Variants in CYP11A1 observed in about 807,000 individuals in gnomAD.
CYP11A1 encodes the protein cholesterol side-chain cleavage enzyme, mitochondrial.
In CYP11A1, 25 loss-of-function variants were observed where a neutral mutation model predicts 51.9. The ratio of observed to expected loss-of-function variants is 0.48; its 90% confidence interval spans 0.35 to 0.67. The LOEUF (loss-of-function observed/expected upper bound fraction) is 0.67. Among genes scored for constraint, CYP11A1 ranks in the 30% least tolerant of loss-of-function variants. The pLI is 0.00. For missense variants in CYP11A1, 578 were observed against 680.9 expected (o/e 0.85, Z 1.68); for synonymous variants, 245 against 262.1 (o/e 0.93, Z 0.63).
intron 1 of CYP11A1, chr15:74,363,925 C>A (rs570820254): frequency 8.5e-5 from 13 of 152,292 alleles, no homozygotes; most frequent in African/African-American, 1.4e-4. Context: ...TAGGCCCCAA[C>A]AAACCAAACA....
Position 74,343,757 on chromosome 15 carries a change from G to A in CYP11A1, c.829+32C>T, listed in dbSNP as rs183718296. 386 of 1,589,996 alleles carry A rather than the reference G, an allele frequency of 2.4e-4. 3 individuals are homozygous for A. The highest frequency in any genetic ancestry group is 2.1e-3 in the South Asian group (189 of 90,488). ...GGAGCCGGCTGAGGCCTGGGGCTCC[G>A]AGGAGGAGAGCACAGCCAGAGAAGC... On this transcript the variant is annotated intron_variant, in intron 4 of 8. Coordinates refer to ENST00000268053, the MANE Select transcript of CYP11A1 (RefSeq NM_000781.3).
intron 1 of CYP11A1, chr15:74,366,269 CT>C: frequency 1.1e-6 from 1 of 940,846 alleles, no homozygotes; most frequent in Non-Finnish European, 1.3e-6. Context: ...TCAAATCTCC[CT>C]CCCCCGATTT....
intron 1 of CYP11A1, among the ~76,000 whole-genome samples, chr15:74,349,579 C>T (rs1338008557): frequency 6.6e-6 from 1 of 152,130 alleles, no homozygotes; most frequent in African/African-American, 2.4e-5. Context: ...CAGCCAAGCC[C>T]TTGAACTGCT....
At chr15:74,344,125 T>A in intron 3 of CYP11A1, 133 bp from the exon 4 acceptor site, 1 of 729,518 alleles carries the variant, frequency 1.4e-6, no homozygotes, top group South Asian at 1.7e-5. Context: ...CCTCCTTCAG[T>A]AAATAAATTG....
At chr15:74,367,134 G>T in intron 1 of CYP11A1, 183 bp downstream of exon 1, 1 of 650,142 alleles carries the variant, frequency 1.5e-6, no homozygotes, top group South Asian at 1.9e-5. Context: ...AGATTCAAAT[G>T]TTGAATTTTG....
rs2060620632 is a variant in CYP11A1 at position 74,343,931 on chromosome 15, C to T, written c.687G>A (p.Glu229=). The change falls in exon 4 of 9, where the codon GAG becomes GAA. Residue 229 remains glutamate (E), a synonymous_variant. Coordinates refer to ENST00000268053, the MANE Select transcript of CYP11A1 (RefSeq NM_000781.3). ...QGMLEEVVNP[E]AQRFIDAIYQ... ...AGATGGCATCAATGAATCGCTGGGC[C>T]TCGGGGTTCACTACTTCCTCCAGCA... 5.6e-6 allele frequency: 9 copies of T among 1,614,012 alleles called. No individual in the cohort carries two copies. The South Asian group carries it at 7.7e-5, about 14-fold the overall frequency.
intron 1 of CYP11A1, chr15:74,365,970 C>G (rs2060730809): frequency 1.2e-6 from 1 of 831,490 alleles, no homozygotes; most frequent in African/African-American, 6.3e-5. Context: ...TGACTGGGAC[C>G]TAGGACCTGC....
chr15:74,338,252 T>A (rs2060588595), intron 8 of CYP11A1, 149 bp from the exon 9 acceptor site: 1 of 879,296 alleles, frequency 1.1e-6, no homozygotes, highest in East Asian at 2.6e-5. Flanking sequence ...CCCTGCACAG[T>A]GCCTGATAAT....
chr15:74,365,570 CGA>C (rs2060728396), intron 1 of CYP11A1: 1 of 627,524 alleles, frequency 1.6e-6, no homozygotes, highest in Admixed American at 6.3e-5. Context: ...CACCTCTCTC[CGA>C]GAGTTTCAAA....
intron 1 of CYP11A1, among the ~76,000 whole-genome samples, chr15:74,357,327 C>T (rs1310670664): frequency 6.6e-6 from 1 of 152,090 alleles, no homozygotes; most frequent in Non-Finnish European, 1.5e-5. Context: ...CTTCAGTGAA[C>T]CCCAATTTCT....
At chr15:74,358,028 C>G (rs2060689080) in intron 1 of CYP11A1, among the ~76,000 whole-genome samples, 1 of 152,228 alleles carries the variant, frequency 6.6e-6, no homozygotes, top group African/African-American at 2.4e-5. Context: ...CTTCCATATC[C>G]TGCACCACCA....
intron 1 of CYP11A1, chr15:74,365,974 G>GA (rs79534403): frequency 1 from 986,371 of 986,376 alleles, 493,183 homozygotes; most frequent in Middle Eastern, 1. Context: ...TGGGACCTAG[G>GA]ACCTGCGGTG....
chr15:74,345,316 C>G lies in CYP11A1; in HGVS notation c.426-73G>C, dbSNP rs753215635. 35 of 1,539,414 alleles carry G rather than the reference C, an allele frequency of 2.3e-5. No individual in the cohort carries two copies. The highest frequency in any genetic ancestry group is 3.0e-5 in the Non-Finnish European group (34 of 1,119,082). On this transcript the variant is annotated intron_variant, in intron 2 of 8. Coordinates refer to ENST00000268053, the MANE Select transcript of CYP11A1 (RefSeq NM_000781.3). The surrounding 1 kb of genome is among the most constrained non-coding windows in gnomAD (Gnocchi z 4.3). ...CTGGTGAACACAGAGGGGGCTGACT[C>G]AGTTTTCCCAGGAAGCTGAGTCACA...
chr15:74,348,110 C>T (rs2060640598), intron 1 of CYP11A1, 55 bp from the exon 2 acceptor site: 2 of 1,593,552 alleles, frequency 1.3e-6, no homozygotes, highest in Non-Finnish European at 1.7e-6. Flanking sequence ...GCTATGGATA[C>T]AGGCTCAGCA....
In CYP11A1 at chr15:74,345,218, G is replaced by C; in HGVS notation, c.451C>G (p.Arg151Gly). ...LKKSAAWKKD[R>G]VALNQEVMAP... The stretch of plus-strand genomic sequence containing the variant: ...ATCACCTCCTGGTTCAGGGCCACCC[G>C]GTCTTTCTTCCAGGCTGCCGACTTC... Residue 151 changes from arginine to glycine, a missense_variant, in exon 3 of 9, where the codon CGG (arginine) becomes GGG (glycine). Arg to Gly is a moderately radical substitution (Grantham distance 125). Coordinates refer to ENST00000268053, the MANE Select transcript of CYP11A1 (RefSeq NM_000781.3). The surrounding 1 kb of genome is among the most constrained non-coding windows in gnomAD (Gnocchi z 4.3). 10 of 1,614,162 alleles carry C rather than the reference G, an allele frequency of 6.2e-6. No individual in the cohort carries two copies. The highest frequency in any genetic ancestry group is 7.6e-6 in the Non-Finnish European group (9 of 1,180,032).
chr15:74,338,364 C>A, intron 8 of CYP11A1: 1 of 714,114 alleles, frequency 1.4e-6, no homozygotes, highest in Non-Finnish European at 2.4e-6. Context: ...AATGGATGGC[C>A]AGGGGCATCA....
chr15:74,342,110 T>C (rs1184328298), intron 5 of CYP11A1, among the ~76,000 whole-genome samples: 2 of 152,024 alleles, frequency 1.3e-5, no homozygotes, highest in Non-Finnish European at 2.9e-5. Flanking sequence ...TGAGATGGAG[T>C]CTCACACTAC....
chr15:74,344,001 A>C lies in CYP11A1; in HGVS notation c.626-9T>G. 6.2e-7 allele frequency: 1 copy of C among 1,613,660 alleles called. No individual in the cohort carries two copies. The highest frequency in any genetic ancestry group is 1.1e-5 in the South Asian group (1 of 91,048). On this transcript the variant is annotated splice_polypyrimidine_tract_variant and intron_variant, in intron 3 of 8. Transcript: ENST00000268053. ...AATGACGTTAGTGATGGCTGCAGGG[A>C]GAGGAAGAGGCTGAGGAGCCATTTC...
At chr15:74,351,507 C>T (rs1451611953) in intron 1 of CYP11A1, among the ~76,000 whole-genome samples, 1 of 152,176 alleles carries the variant, frequency 6.6e-6, no homozygotes, top group Non-Finnish European at 1.5e-5. Context: ...TTCATGGCTA[C>T]TCTTATAAAG....
Sources: allele counts gnomAD v4.1 joint callset (sites outside exome capture counted in the v4.1 genomes callset), GRCh38; gene constraint gnomAD v4.1.1; non-coding constraint Gnocchi (gnomAD v3.1); transcripts MANE v1.5; gene names NCBI Gene and HGNC (gene_info 2026-07-23, HGNC 2026-07-21).